Variants in CTTN observed in about 807,000 individuals in gnomAD.
The protein encoded by CTTN is src substrate cortactin.
A neutral mutation model predicts 84.0 loss-of-function variants in CTTN; 28 were observed. The observed-to-expected ratio is 0.33, with a 90% CI of 0.25 to 0.46. The LOEUF (loss-of-function observed/expected upper bound fraction) is 0.46, where lower values mean the gene tolerates loss of function less well. Among genes scored for constraint, CTTN ranks in the 20% least tolerant of loss-of-function variants. The probability of loss-of-function intolerance (pLI) is 1.00; values close to 1 mark genes in which losing one functional copy is unlikely to be tolerated. For missense variants in CTTN, 641 were observed against 723.8 expected, an observed-to-expected ratio of 0.89 and a Z score of 1.31; for synonymous variants, 301 against 288.8, an observed-to-expected ratio of 1.04 and a Z score of -0.43.
rs775902003 is a variant in CTTN at position 70,433,633 on chromosome 11, T to C, written c.1445-14T>C. The C allele has an allele frequency of 1.6e-5, 25 of 1,596,434 alleles. No homozygotes were observed. In the East Asian group the frequency reaches 2.9e-4, roughly 19 times the overall value. On this transcript the variant is annotated splice_polypyrimidine_tract_variant and intron_variant, in intron 16 of 17. Transcript: ENST00000301843. ...GACTTTGTATTGTTCAGCTCTGTCA[T>C]GGCTTTCTTTTAGAGGACAGCACCT...
At chr11:70,403,438 C>T (rs911383477) in intron 1 of CTTN, among the ~76,000 whole-genome samples, 1 of 152,112 alleles carries the variant, frequency 6.6e-6, no homozygotes, top group Non-Finnish European at 1.5e-5. Context: ...CCGCCCGCCT[C>T]GGCCTCCGAA....
chr11:70,418,775 A>C (rs537674763), intron 8 of CTTN, among the ~76,000 whole-genome samples: 5 of 143,166 alleles, frequency 3.5e-5, no homozygotes, highest in South Asian at 4.5e-4. Context: ...GCTGTACTTT[A>C]TTTCTTTTTT....
chr11:70,399,140 G>T (rs1201225175), intron 1 of CTTN, among the ~76,000 whole-genome samples: 2 of 150,956 alleles, frequency 1.3e-5, no homozygotes, highest in African/African-American at 2.4e-5. Flanking sequence ...GGTGGGTGTG[G>T]GGGGTCTCAA....
chr11:70,422,984 C>G lies in CTTN; in HGVS notation c.946C>G (p.Arg316Gly). The stretch of plus-strand genomic sequence containing the variant: ...CGGGAAGTATGGGGTGCAGAAGGAT[C>G]GGATGGATAAGGTAAATATTCCAGC... ...FGGKYGVQKDRMDKNASTFED... is the reference protein window; with the variant it reads ...FGGKYGVQKDGMDKNASTFED... Residue 316 changes from arginine to glycine, a missense_variant, in exon 12 of 18, where the codon CGG becomes GGG. Coordinates refer to ENST00000301843, the MANE Select transcript of CTTN (RefSeq NM_005231.4). The G allele has an allele frequency of 1.9e-6, 3 of 1,613,850 alleles. No individual in the cohort carries two copies. Among genetic ancestry groups the G allele is most frequent in the Non-Finnish European group, 2.5e-6 (3 of 1,179,962 alleles).
At chr11:70,403,445 C>T (rs1308677923) in intron 1 of CTTN, among the ~76,000 whole-genome samples, 1 of 152,048 alleles carries the variant, frequency 6.6e-6, no homozygotes, top group Admixed American at 6.5e-5. Context: ...CCTCGGCCTC[C>T]GAAAGTGCTG....
intron 5 of CTTN, among the ~76,000 whole-genome samples, chr11:70,411,553 G>A (rs193299664): frequency 3.4e-4 from 52 of 152,308 alleles, no homozygotes; most frequent in African/African-American, 1.1e-3. Flanking sequence ...GGGAGTTAGC[G>A]CAGAGAGACA....
intron 15 of CTTN, among the ~76,000 whole-genome samples, chr11:70,431,911 C>T (rs1377077902): frequency 6.6e-6 from 1 of 152,216 alleles, no homozygotes; most frequent in East Asian, 1.9e-4. Context: ...TAACCACACC[C>T]TCTACCTGTA....
chr11:70,429,242 C>T, intron 14 of CTTN, 43 bp downstream of exon 14: 2 of 1,584,180 alleles, frequency 1.3e-6, no homozygotes, highest in Admixed American at 3.7e-5. Flanking sequence ...TCCCTGGGAC[C>T]TGTGCCGAGG....
At chr11:70,434,901 TC>T in intron 17 of CTTN, 124 bp from the exon 18 acceptor site, 1 of 993,226 alleles carries the variant, frequency 1.0e-6, no homozygotes, top group Non-Finnish European at 1.6e-6. Context: ...TCCGCGGTGG[TC>T]CGCATCTCTG....
chr11:70,399,694 A>G (rs778158392), intron 1 of CTTN, among the ~76,000 whole-genome samples: 2 of 152,176 alleles, frequency 1.3e-5, no homozygotes, highest in Non-Finnish European at 2.9e-5. Flanking sequence ...GAGAAGGGAC[A>G]GGGCTTCCTC....
intron 8 of CTTN, 146 bp from the exon 9 acceptor site, chr11:70,419,600 T>C: frequency 1.6e-6 from 1 of 643,128 alleles, no homozygotes; most frequent in Non-Finnish European, 2.7e-6. Context: ...TACACATAAA[T>C]AGCACCTTTA....
At position 70,435,285 on chromosome 11, in the gene CTTN, G is replaced by A; in HGVS notation, c.*123G>A. ...TTTTTTTTTTTTTTTTTTTGAAGGT[G>A]GGGAGGGGAATATACACATTGCTTT... On this transcript the variant is annotated 3_prime_UTR_variant, in exon 18 of 18. Transcript: ENST00000301843. 1.7e-6 allele frequency: 2 copies of A among 1,159,014 alleles called. No homozygotes were observed. The highest frequency in any genetic ancestry group is 5.5e-5 in the East Asian group (2 of 36,440). The allele number at this position is 1,159,014 out of a possible 1,614,324, so 71.8% of individuals were successfully genotyped here.
Position 70,436,515 on chromosome 11 carries a change from C to A in CTTN, c.*1353C>A. 1 of 923,418 alleles carries A rather than the reference C, an allele frequency of 1.1e-6. No individual in the cohort carries two copies. The highest frequency in any genetic ancestry group is 1.7e-6 in the Non-Finnish European group (1 of 598,710). 57.2% of individuals were successfully genotyped at this position (923,418 alleles called of 1,614,324 possible). A position where few individuals can be genotyped will look rare whatever the true frequency, so the allele number is the denominator to read the frequency against. On this transcript the variant is annotated 3_prime_UTR_variant, in exon 18 of 18. Transcript: ENST00000301843. ...ACTTATTGTATCTGAATTCCTGTAG[C>A]ACACCTCATAGGTATGATTTTTTTA...
In CTTN at chr11:70,422,543, C is replaced by T. The variant is rs1342580787; in HGVS notation, c.902-397C>T. On this transcript the variant is annotated intron_variant, in intron 11 of 17. Coordinates refer to ENST00000301843, the MANE Select transcript of CTTN (RefSeq NM_005231.4). Reference sequence around the variant, plus strand: ...AAACTGCGATTGAGCCTCTTTTTAGCGCTCAGTAGAGCAGGCGCACAGGAA... The same window carrying T: ...AAACTGCGATTGAGCCTCTTTTTAGTGCTCAGTAGAGCAGGCGCACAGGAA... 1.0e-5 allele frequency: 13 copies of T among 1,295,516 alleles called. No homozygotes were observed. The Middle Eastern group carries it at 6.3e-4, about 63-fold the overall frequency. The allele number at this position is 1,295,516 out of a possible 1,614,324, so 80.3% of individuals were successfully genotyped here.
intron 8 of CTTN, among the ~76,000 whole-genome samples, chr11:70,418,448 C>T (rs746701347): frequency 1.3e-4 from 20 of 152,368 alleles, no homozygotes; most frequent in Non-Finnish European, 2.1e-4. Flanking sequence ...CCTGGGCAGA[C>T]GCAAGGCTCC....
In CTTN at chr11:70,417,067, A is replaced by G. The variant is rs780161925; in HGVS notation, c.512A>G (p.Lys171Arg). ...KYGVQADRVD[K>R]SAVGFDYQGK... ...GGCGTGCAGGCCGACCGAGTAGACA[A>G]GAGCGCGGTGGGCTTCGACTACCAG... Residue 171 changes from lysine (K) to arginine (R), a missense_variant, in exon 8 of 18, where the codon AAG (lysine) becomes AGG (arginine). By Grantham distance (26) the Lys-to-Arg change is conservative. Transcript: ENST00000301843. The G allele has an allele frequency of 3.5e-5, 57 of 1,614,018 alleles. No individual in the cohort carries two copies. The highest frequency in any genetic ancestry group is 4.4e-5 in the Non-Finnish European group (52 of 1,180,036).
chr11:70,418,344 CCT>C (rs1217278441), intron 8 of CTTN, among the ~76,000 whole-genome samples: 1 of 152,266 alleles, frequency 6.6e-6, no homozygotes, highest in Non-Finnish European at 1.5e-5. Context: ...GTCCATTCCT[CCT>C]CTTCCCGACA....
chr11:70,417,211 G>A lies in CTTN; in HGVS notation c.568+88G>A, dbSNP rs2058174097. ...TCTCTCTGCACACGTGATTGTTGTA[G>A]ATTTTTTAACTGAAAATGTTTGGTG... is the stretch of plus-strand genomic sequence containing the variant. On this transcript the variant is annotated intron_variant, in intron 8 of 17. Transcript: ENST00000301843. 3.9e-6 allele frequency: 4 copies of A among 1,013,366 alleles called. No individual in the cohort carries two copies. In the South Asian group the frequency reaches 5.2e-5, roughly 13 times the overall value. 62.8% of individuals were successfully genotyped at this position (1,013,366 alleles called of 1,614,324 possible).
At chr11:70,415,359 G>A (rs1412258095) in intron 6 of CTTN, among the ~76,000 whole-genome samples, 1 of 152,166 alleles carries the variant, frequency 6.6e-6, no homozygotes, top group Non-Finnish European at 1.5e-5. Context: ...TTTGAGAAGC[G>A]AGTTTTTGTG....
Sources: gnomAD v4.1 joint callset for allele counts (sites outside exome capture counted in the v4.1 genomes callset) on GRCh38, gnomAD v4.1.1 for gene constraint, MANE v1.5 for transcripts, NCBI Gene and HGNC (gene_info 2026-07-23, HGNC 2026-07-21) for gene names.